URB1: variants seen among roughly 807,000 people sequenced by gnomAD.
The protein encoded by URB1 is nucleolar pre-ribosomal-associated protein 1.
In URB1, 197 loss-of-function variants were observed where a neutral mutation model predicts 242.3. That is an observed-to-expected ratio of 0.81 (90% CI 0.72 to 0.91). URB1 has a LOEUF of 0.91. Among genes scored for constraint, URB1 ranks in the 40% least tolerant of loss-of-function variants. The pLI, the probability that URB1 is intolerant of heterozygous loss-of-function variation, is 0.00. For missense variants in URB1, 2,721 were observed against 2,860.5 expected, an observed-to-expected ratio of 0.95 and a Z score of 1.11; for synonymous variants, 1,153 against 1,201.8, an observed-to-expected ratio of 0.96 and a Z score of 0.84.
Position 32,361,088 on chromosome 21 carries a change from G to A in URB1, c.1675C>T (p.Leu559Phe). 1 of 1,545,230 alleles carries A rather than the reference G, an allele frequency of 6.5e-7. No individual in the cohort carries two copies. The change falls in exon 13 of 39, where the codon CTC becomes TTC. Residue 559 changes from leucine (L) to phenylalanine (F), a missense_variant. By Grantham distance (22) the Leu-to-Phe change is conservative (BLOSUM62 0). Coordinates refer to ENST00000382751, the MANE Select transcript of URB1 (RefSeq NM_014825.3). ...AETILLKAVL[L>F]QVICLYQKVV... is the part of the protein sequence containing the mutation. The stretch of plus-strand genomic sequence containing the variant: ...TTCTGGTAGAGGCATATGACCTGGA[G>A]CAAAACAGCTTTCAAAAGAATGGTT...
At chr21:32,353,590 A>T (rs2033183253) in intron 18 of URB1, among the ~76,000 whole-genome samples, 1 of 152,246 alleles carries the variant, frequency 6.6e-6, no homozygotes, top group Admixed American at 6.5e-5. Flanking sequence ...AGTTGCCTGG[A>T]AAATCCAACA....
intron 2 of URB1, 74 bp downstream of exon 2, chr21:32,385,471 C>T (rs1367027198): frequency 2.0e-6 from 3 of 1,497,202 alleles, no homozygotes; most frequent in Admixed American, 2.3e-5. Context: ...ATTTCTATCA[C>T]ATTTTTCCTC....
rs530230334 is a variant in URB1 at position 32,363,086 on chromosome 21, A to G, written c.1509+70T>C. The G allele has an allele frequency of 8.7e-6, 13 of 1,500,300 alleles. No individual in the cohort carries two copies. In the East Asian group the frequency reaches 3.2e-4, roughly 37 times the overall value. The allele number at this position is 1,500,300 out of a possible 1,614,324, so 92.9% of individuals were successfully genotyped here. On this transcript the variant is annotated intron_variant, in intron 11 of 38. Coordinates refer to ENST00000382751, the MANE Select transcript of URB1 (RefSeq NM_014825.3). Reference sequence around the variant, plus strand: ...GGACACATCACTTGGCTTCCACCCTAGGGCTGCAGAATGGCCTTTTCCACC... The same window carrying G: ...GGACACATCACTTGGCTTCCACCCTGGGGCTGCAGAATGGCCTTTTCCACC...
intron 21 of URB1, among the ~76,000 whole-genome samples, chr21:32,348,350 T>TG (rs1481946805): frequency 2.0e-5 from 3 of 152,092 alleles, no homozygotes; most frequent in African/African-American, 4.8e-5. Context: ...GGGTTGGGAT[T>TG]AAACCACCGT....
intron 30 of URB1, among the ~76,000 whole-genome samples, chr21:32,329,181 C>T (rs769812887): frequency 2.6e-5 from 4 of 151,926 alleles, no homozygotes; most frequent in Admixed American, 1.3e-4. Context: ...GGCAGGAGGA[C>T]GGCTTGAACA....
At chr21:32,325,038 G>T (rs533920111) in intron 31 of URB1, among the ~76,000 whole-genome samples, 191 bp downstream of exon 31, 1 of 151,996 alleles carries the variant, frequency 6.6e-6, no homozygotes, top group South Asian at 2.1e-4. Context: ...TCCACGGGGG[G>T]TTGTGGATCA....
chr21:32,334,746 T>C (rs2032938121), intron 28 of URB1, among the ~76,000 whole-genome samples: 1 of 152,142 alleles, frequency 6.6e-6, no homozygotes, highest in Non-Finnish European at 1.5e-5. Context: ...AGGGCTGGGA[T>C]TCAGACTCAG....
rs1387727725 is a variant in URB1, at chr21:32,366,439, T to A, written c.1335+179A>T. On this transcript the variant is annotated intron_variant, in intron 10 of 38. Coordinates refer to ENST00000382751, the MANE Select transcript of URB1 (RefSeq NM_014825.3). ...CTTTGCTCCAAGGTCCTTACCCAGG[T>A]GCGTGGACCTGTCACTTATGGGCTA... 2.6e-5 allele frequency among the ~76,000 whole-genome samples: 4 copies of A among 152,264 alleles called. No homozygotes were observed. In the East Asian group the frequency reaches 5.8e-4, roughly 22 times the overall value.
At chr21:32,369,900 C>T (rs1275743116) in intron 8 of URB1, among the ~76,000 whole-genome samples, 1 of 150,590 alleles carries the variant, frequency 6.6e-6, no homozygotes, top group Admixed American at 6.6e-5. Flanking sequence ...CAGGTGAGCC[C>T]AGGACTTCAA....
At chr21:32,384,138 G>C (rs563994430) in intron 3 of URB1, among the ~76,000 whole-genome samples, 175 bp downstream of exon 3, 1 of 152,286 alleles carries the variant, frequency 6.6e-6, no homozygotes, top group South Asian at 2.1e-4. Context: ...AGAGGAGTCA[G>C]GGACAGCCAG....
chr21:32,358,857 C>T, intron 14 of URB1, among the ~76,000 whole-genome samples: 1 of 152,184 alleles, frequency 6.6e-6, no homozygotes, highest in East Asian at 1.9e-4. Context: ...CCTGGACCCA[C>T]CACTCATGGA....
At chr21:32,346,128 G>T (rs529243963) in intron 22 of URB1, among the ~76,000 whole-genome samples, 10 of 152,252 alleles carry the variant, frequency 6.6e-5, no homozygotes, top group Admixed American at 6.5e-4. Context: ...AAAAGAGCCT[G>T]CCACCTCCTG....
At chr21:32,353,144 A>T (rs1489226799) in intron 18 of URB1, among the ~76,000 whole-genome samples, 9 of 152,182 alleles carry the variant, frequency 5.9e-5, no homozygotes, top group African/African-American at 2.2e-4. Flanking sequence ...GTGAAGACCC[A>T]GGCATGTAAA....
At chr21:32,344,804 T>C (rs773293246) in intron 23 of URB1, 48 bp from the exon 24 acceptor site, 1 of 1,519,624 alleles carries the variant, frequency 6.6e-7, no homozygotes, top group Non-Finnish European at 8.8e-7. Context: ...TTTAAATCCT[T>C]CTGACTTTAC....
chr21:32,385,627 A>C lies in URB1; in HGVS notation c.200T>G (p.Val67Gly). 1 of 1,551,760 alleles carries C rather than the reference A, an allele frequency of 6.4e-7. No homozygotes were observed. The highest frequency in any genetic ancestry group is 1.4e-5 in the African/African-American group (1 of 73,126). The change falls in exon 2 of 39, where the codon GTT becomes GGT. Residue 67 changes from valine (V) to glycine (G), a missense_variant. Transcript: ENST00000382751. The stretch of plus-strand genomic sequence containing the variant: ...AGAAATCTTTATATACCCTTCCACA[A>C]CATCATACACATCTTCTCGTGGTAG... The part of the protein sequence containing the change: ...KKLPREDVYD[V>G]VEGYIKISVE...
intron 3 of URB1, among the ~76,000 whole-genome samples, chr21:32,383,930 C>T (rs1045315147): frequency 9.2e-5 from 14 of 152,134 alleles, no homozygotes; most frequent in African/African-American, 2.7e-4. Flanking sequence ...TTCCGTTCTG[C>T]GGTTATCCAG....
At chr21:32,318,618 G>A (rs1001194850) in intron 36 of URB1, among the ~76,000 whole-genome samples, 1 of 152,136 alleles carries the variant, frequency 6.6e-6, no homozygotes, top group Non-Finnish European at 1.5e-5. Context: ...TTCTGGTTCC[G>A]GTTAGCATAA....
At chr21:32,334,398 TAAC>T (rs1688448971) in intron 28 of URB1, 64 bp from the exon 29 acceptor site, 6 of 1,478,450 alleles carry the variant, frequency 4.1e-6, no homozygotes, top group Admixed American at 2.3e-5. Flanking sequence ...TTAATCATGA[TAAC>T]AACAACAGGT....
chr21:32,338,610 C>T lies in URB1; in HGVS notation c.4510+97G>A, dbSNP rs574433946. On this transcript the variant is annotated intron_variant, in intron 26 of 38. Transcript: ENST00000382751. Reference sequence around the variant, plus strand: ...TGTCTTGGCAATGCTTCCTTAGCTCCGAGAGCCGGAGGGAGATGAGCCTCA... The same window carrying T: ...TGTCTTGGCAATGCTTCCTTAGCTCTGAGAGCCGGAGGGAGATGAGCCTCA... The T allele has an allele frequency of 3.9e-5, 53 of 1,366,056 alleles. No homozygotes were observed. In the South Asian group the frequency reaches 4.9e-4, roughly 13 times the overall value. 84.6% of individuals were successfully genotyped at this position (1,366,056 alleles called of 1,614,324 possible).
Sources: allele counts gnomAD v4.1 joint callset (sites outside exome capture counted in the v4.1 genomes callset), GRCh38; gene constraint gnomAD v4.1.1; transcripts MANE v1.5; gene names NCBI Gene and HGNC (gene_info 2026-07-23, HGNC 2026-07-21).